Variants in CTNNA2 observed in about 807,000 individuals in gnomAD.
CTNNA2 encodes catenin alpha-2.
A neutral mutation model predicts 101.0 loss-of-function variants in CTNNA2; 42 were observed. That is an observed-to-expected ratio of 0.42 (90% CI 0.32 to 0.54). The LOEUF (loss-of-function observed/expected upper bound fraction) is 0.54. CTNNA2 is among the 20% of genes least tolerant of loss of function. The pLI is 0.14. For missense variants in CTNNA2, 871 were observed against 1,223.1 expected, an observed-to-expected ratio of 0.71 and a Z score of 4.29; for synonymous variants, 450 against 456.4, an observed-to-expected ratio of 0.99 and a Z score of 0.18.
intron 1 of CTNNA2, among the ~76,000 whole-genome samples, chr2:79,190,673 T>G (rs1226314405): frequency 6.6e-6 from 1 of 151,960 alleles, no homozygotes; most frequent in Non-Finnish European, 1.5e-5. Context: ...TGTACCAAAG[T>G]GGGAAAATGA....
At chr2:79,689,072 G>A (rs1684121149) in intron 2 of CTNNA2, among the ~76,000 whole-genome samples, 1 of 151,512 alleles carries the variant, frequency 6.6e-6, no homozygotes, top group South Asian at 2.1e-4. Flanking sequence ...AAACACAACT[G>A]AAGACATCAT....
intron 7 of CTNNA2, among the ~76,000 whole-genome samples, chr2:80,135,991 C>A (rs1002507714): frequency 6.6e-6 from 1 of 152,052 alleles, no homozygotes; most frequent in Non-Finnish European, 1.5e-5. Flanking sequence ...TGAAGTAGAG[C>A]GATCTGGAAT....
intron 1 of CTNNA2, among the ~76,000 whole-genome samples, chr2:79,189,963 G>C (rs977502633): frequency 3.3e-5 from 5 of 152,264 alleles, no homozygotes; most frequent in African/African-American, 1.2e-4. Context: ...GTAAAGTTGA[G>C]TCAAGCTGAG....
chr2:79,592,338 A>C (rs997636853), intron 1 of CTNNA2, among the ~76,000 whole-genome samples: 3 of 151,464 alleles, frequency 2.0e-5, no homozygotes, highest in African/African-American at 7.3e-5. Context: ...CACCATGTTG[A>C]CCAGGCTGAT....
At position 80,618,069 on chromosome 2, in the gene CTNNA2, T is replaced by G. The variant is rs186370202; in HGVS notation, c.2431-1016T>G. Among the ~76,000 whole-genome samples, 785 of 151,978 alleles carry G rather than the reference T, an allele frequency of 5.2e-3. 11 individuals are homozygous for G. Among genetic ancestry groups the G allele is most frequent in the African/African-American group, 0.017 (689 of 41,526 alleles). On this transcript the variant is annotated intron_variant, in intron 17 of 18. Transcript: ENST00000402739. ...GTTACTTTTGTTTTGCCATAATCAA[T>G]AACTTTGAGTATTCTATTTTAAACT...
chr2:79,558,992 GTT>G (rs1193741201), intron 1 of CTNNA2, among the ~76,000 whole-genome samples: 1 of 151,340 alleles, frequency 6.6e-6, no homozygotes, highest in Non-Finnish European at 1.5e-5. Context: ...CCATCTTTAG[GTT>G]GTTAACCACT....
intron 1 of CTNNA2, 93 bp from the exon 2 acceptor site, chr2:79,651,459 T>C (rs1681243324): frequency 8.3e-7 from 1 of 1,206,952 alleles, no homozygotes; most frequent in Admixed American, 1.8e-5. Context: ...TCCAGTATGT[T>C]CTAAGTTTCA....
chr2:79,778,978 C>T (rs1214600563), intron 3 of CTNNA2, among the ~76,000 whole-genome samples: 1 of 152,214 alleles, frequency 6.6e-6, no homozygotes, highest in Non-Finnish European at 1.5e-5. Context: ...TTGCTAATTC[C>T]TGTCCTAGGG....
chr2:79,468,293 G>T (rs533750020), intron 4 of CTNNA2, among the ~76,000 whole-genome samples: 24 of 152,156 alleles, frequency 1.6e-4, no homozygotes, highest in African/African-American at 2.2e-4. Flanking sequence ...GGCCATTACA[G>T]AATGGTAAAG....
chr2:80,552,153 G>A (rs1348901974), intron 11 of CTNNA2, among the ~76,000 whole-genome samples: 10 of 152,126 alleles, frequency 6.6e-5, no homozygotes, highest in African/African-American at 2.4e-4. Flanking sequence ...AATTGCAATA[G>A]TGACAAAGAT....
intron 3 of CTNNA2, among the ~76,000 whole-genome samples, chr2:79,754,101 T>C (rs956959089): frequency 1.3e-5 from 2 of 152,082 alleles, no homozygotes; most frequent in African/African-American, 4.8e-5. Context: ...ACTCCTGATC[T>C]TGTGATCTGC....
intron 9 of CTNNA2, among the ~76,000 whole-genome samples, chr2:80,512,732 G>T (rs1460792375): frequency 6.6e-6 from 1 of 151,234 alleles, no homozygotes; most frequent in East Asian, 1.9e-4. Context: ...GTTCACCTAT[G>T]TCAGTGTTTT....
chr2:79,317,105 G>A (rs747469096), intron 3 of CTNNA2, among the ~76,000 whole-genome samples: 1 of 151,880 alleles, frequency 6.6e-6, no homozygotes, highest in Non-Finnish European at 1.5e-5. Flanking sequence ...TTGTGGTGGT[G>A]GTTTTATCAA....
intron 9 of CTNNA2, among the ~76,000 whole-genome samples, chr2:80,543,319 C>T (rs1047068992): frequency 6.6e-6 from 1 of 152,178 alleles, no homozygotes; most frequent in Non-Finnish European, 1.5e-5. Flanking sequence ...TAAGAACCTT[C>T]CTGCCCATGG....
At chr2:79,841,004 C>G (rs771495961) in intron 3 of CTNNA2, among the ~76,000 whole-genome samples, 1 of 152,090 alleles carries the variant, frequency 6.6e-6, no homozygotes, top group East Asian at 1.9e-4. Flanking sequence ...CTCCTGACCT[C>G]GTGATCCGCC....
intron 18 of CTNNA2, among the ~76,000 whole-genome samples, chr2:80,625,675 T>C (rs1671607555): frequency 6.6e-6 from 1 of 152,108 alleles, no homozygotes; most frequent in Admixed American, 6.6e-5. Context: ...CTTAACACAT[T>C]AGCTTCTTTA....
chr2:79,579,258 GCTTC>G (rs796637765), intron 1 of CTNNA2, among the ~76,000 whole-genome samples: 1,549 of 102,774 alleles, frequency 0.015, 21 homozygotes, highest in African/African-American at 0.053. Context: ...TCCCTCCCTC[GCTTC>G]CTTCCTTCCT....
chr2:80,067,352 T>TTATATA (rs148302735), intron 7 of CTNNA2, among the ~76,000 whole-genome samples: 13 of 151,922 alleles, frequency 8.6e-5, no homozygotes, highest in African/African-American at 3.1e-4. Context: ...ACATCATGTT[T>TTATATA]TATATATATA....
chr2:80,314,315 T>G (rs1264315888), intron 7 of CTNNA2, among the ~76,000 whole-genome samples: 1 of 152,172 alleles, frequency 6.6e-6, no homozygotes, highest in Non-Finnish European at 1.5e-5. Context: ...ACAACTGAAT[T>G]TTGTTAGTGA....
Sources: gnomAD v4.1 joint callset for allele counts (sites outside exome capture counted in the v4.1 genomes callset) on GRCh38, gnomAD v4.1.1 for gene constraint, MANE v1.5 for transcripts, NCBI Gene and HGNC (gene_info 2026-07-23, HGNC 2026-07-21) for gene names.